The following SRFBP1 variants were observed in gnomAD, a reference collection of about 807,000 sequenced individuals.
SRFBP1 encodes serum response factor-binding protein 1.
SRFBP1 carries 47 observed loss-of-function variants against 45.5 expected under a neutral mutation model. The observed-to-expected ratio is 1.03, with a 90% CI of 0.82 to 1.32. The LOEUF (loss-of-function observed/expected upper bound fraction) is 1.32. Ranked by LOEUF, SRFBP1 falls within the 40% of genes most tolerant of loss-of-function variation. SRFBP1 has a pLI of 0.00. For missense variants in SRFBP1, 621 were observed against 484.6 expected (o/e 1.28, Z -2.64); for synonymous variants, 203 against 166.3 (o/e 1.22, Z -1.70).
intron 4 of SRFBP1, among the ~76,000 whole-genome samples, chr5:121,998,729 C>T (rs1347141192): frequency 6.6e-6 from 1 of 150,882 alleles, no homozygotes; most frequent in East Asian, 1.9e-4. Context: ...CTCATTTAAT[C>T]TGTACATTTA....
chr5:122,005,007 A>T (rs978455997), intron 4 of SRFBP1, among the ~76,000 whole-genome samples: 2 of 152,164 alleles, frequency 1.3e-5, no homozygotes, highest in African/African-American at 4.8e-5. Flanking sequence ...GTGGTCAGAA[A>T]AGATACTTAA....
At chr5:121,967,959 T>C (rs1752109841) in intron 1 of SRFBP1, among the ~76,000 whole-genome samples, 1 of 152,246 alleles carries the variant, frequency 6.6e-6, no homozygotes, top group African/African-American at 2.4e-5. Flanking sequence ...AGTGTTTTGC[T>C]ATATCTTAAT....
chr5:122,061,977 A>T (rs558164993), intron 2 of SRFBP1, among the ~76,000 whole-genome samples: 1 of 151,090 alleles, frequency 6.6e-6, no homozygotes, highest in Non-Finnish European at 1.5e-5. Flanking sequence ...TATATCCCAG[A>T]GTTTTCCAAG....
At chr5:122,031,729 A>G (rs1355153763), downstream of SRFBP1, among the ~76,000 whole-genome samples, 1 of 152,250 alleles carries the variant, frequency 6.6e-6, no homozygotes, top group African/African-American at 2.4e-5. Context: ...CTAAAAAAAA[A>G]GAACCCAGAT....
intron 4 of SRFBP1, among the ~76,000 whole-genome samples, chr5:122,006,239 G>A (rs1332826687): frequency 6.6e-6 from 1 of 151,874 alleles, no homozygotes; most frequent in Non-Finnish European, 1.5e-5. Context: ...TTATAAGGTA[G>A]GCCTTTACTG....
At chr5:122,075,320 A>G in exon 3 of SRFBP1, 1 of 1,289,722 alleles carries the variant, frequency 7.8e-7, no homozygotes, top group Non-Finnish European at 1.1e-6. Flanking sequence ...TTCAGGTAAG[A>G]AATAAGACTT....
chr5:122,025,352 A>G (rs931565774), intron 7 of SRFBP1, among the ~76,000 whole-genome samples: 27 of 152,146 alleles, frequency 1.8e-4, no homozygotes, highest in Non-Finnish European at 3.5e-4. Context: ...TTCTTAATCC[A>G]GTCTATCATT....
chr5:121,990,065 C>T (rs1752590112), intron 3 of SRFBP1, among the ~76,000 whole-genome samples: 1 of 152,094 alleles, frequency 6.6e-6, no homozygotes, highest in South Asian at 2.1e-4. Context: ...CCAGGAATAC[C>T]ACTACTGGGT....
intron 2 of SRFBP1, among the ~76,000 whole-genome samples, chr5:122,039,030 T>G (rs1753733973): frequency 6.6e-6 from 1 of 152,136 alleles, no homozygotes; most frequent in Non-Finnish European, 1.5e-5. Context: ...AACAAGTACT[T>G]CCTTCCAGAT....
At position 122,027,307 on chromosome 5, in the gene SRFBP1, C is replaced by T. The variant is rs1408768558; in HGVS notation, c.*181C>T. 4.5e-6 allele frequency: 2 copies of T among 447,786 alleles called. No individual in the cohort carries two copies. Among genetic ancestry groups the T allele is most frequent in the African/African-American group, 2.0e-5 (1 of 49,518 alleles). 27.7% of individuals were successfully genotyped at this position (447,786 alleles called of 1,614,324 possible). On this transcript the variant is annotated 3_prime_UTR_variant, in exon 8 of 8. Coordinates refer to ENST00000339397, the MANE Select transcript of SRFBP1 (RefSeq NM_152546.3). Reference sequence around the variant, plus strand: ...TCCCAAAGGGCTGGGACTGCAGGTGCATGCACTACCATGCCCAGCTTTCTC... The same window carrying T: ...TCCCAAAGGGCTGGGACTGCAGGTGTATGCACTACCATGCCCAGCTTTCTC...
chr5:121,994,449 T>A lies in SRFBP1; in HGVS notation c.199-150T>A, dbSNP rs188620073. On this transcript the variant is annotated intron_variant, in intron 3 of 7. Transcript: ENST00000339397. ...TTCCGTTATATTCCTGATGTTTCCT[T>A]TCAACTCTGTCATATTTTATGGGAG... 9.8e-4 allele frequency: 593 copies of A among 602,868 alleles called. 3 individuals are homozygous for A. The African/African-American group carries it at 0.01, about 10-fold the overall frequency. The allele number at this position is 602,868 out of a possible 1,614,324, so 37.3% of individuals were successfully genotyped here. A position where few individuals can be genotyped will look rare whatever the true frequency, so the allele number is the denominator to read the frequency against.
chr5:122,037,762 T>C (rs1753716417), intron 2 of SRFBP1, among the ~76,000 whole-genome samples: 1 of 152,112 alleles, frequency 6.6e-6, no homozygotes, highest in African/African-American at 2.4e-5. Context: ...AAGTGTTCCT[T>C]CCACCTTGAT....
intron 2 of SRFBP1, chr5:122,064,033 G>T (rs1474251658): frequency 6.6e-6 from 1 of 151,886 alleles, no homozygotes; most frequent in East Asian, 1.9e-4. Context: ...CCAGACTGTG[G>T]TCTGAATCAT....
intron 3 of SRFBP1, among the ~76,000 whole-genome samples, chr5:121,986,443 T>C (rs1249293027): frequency 6.6e-6 from 1 of 152,106 alleles, no homozygotes; most frequent in Non-Finnish European, 1.5e-5. Flanking sequence ...AGGTTGATCA[T>C]ATAACCAAAT....
intron 3 of SRFBP1, among the ~76,000 whole-genome samples, chr5:121,994,208 T>C (rs1342558745): frequency 6.6e-6 from 1 of 152,046 alleles, no homozygotes; most frequent in East Asian, 1.9e-4. Context: ...AAATGTTATC[T>C]TCTTTGTCTT....
chr5:122,036,405 C>T (rs1055592742), intron 2 of SRFBP1, among the ~76,000 whole-genome samples: 6 of 152,108 alleles, frequency 3.9e-5, no homozygotes. Flanking sequence ...CACAAGTTGT[C>T]ACACATTGTG....
At position 122,019,447 on chromosome 5, in the gene SRFBP1, T is replaced by G. The variant is rs372556990; in HGVS notation, c.352+106T>G. ...TTGAGGTTCTATTATAAATATAAGT[T>G]TCTTTCAAATATTTACCAGTGTGGA... On this transcript the variant is annotated intron_variant, in intron 5 of 7. Transcript: ENST00000339397. 1.5e-4 allele frequency: 133 copies of G among 912,182 alleles called. 1 individual carries two copies. The East Asian group carries it at 2.6e-3, about 18-fold the overall frequency. 56.5% of individuals were successfully genotyped at this position (912,182 alleles called of 1,614,324 possible). A position where few individuals can be genotyped will look rare whatever the true frequency, so the allele number is the denominator to read the frequency against.
chr5:122,013,767 G>A (rs945876275), intron 4 of SRFBP1, among the ~76,000 whole-genome samples: 25 of 152,100 alleles, frequency 1.6e-4, no homozygotes, highest in Admixed American at 1.6e-3. Flanking sequence ...AAACTGCCTA[G>A]AAAAACATAC....
At chr5:122,022,549 T>C in intron 7 of SRFBP1, 142 bp downstream of exon 7, 2 of 631,242 alleles carry the variant, frequency 3.2e-6, no homozygotes, top group Non-Finnish European at 4.8e-6. Flanking sequence ...CTTACAATTA[T>C]CAATATAATT....
Sources: allele counts gnomAD v4.1 joint callset (sites outside exome capture counted in the v4.1 genomes callset), GRCh38; gene constraint gnomAD v4.1.1; transcripts MANE v1.5; gene names NCBI Gene and HGNC (gene_info 2026-07-23, HGNC 2026-07-21).